Variants in CWC22 observed in about 807,000 individuals in gnomAD.
The protein encoded by CWC22 is CWC22 spliceosome associated protein.
Under a neutral mutation model 117.2 loss-of-function variants are expected in CWC22, and 53 were observed. The observed-to-expected ratio is 0.45, with a 90% CI of 0.36 to 0.57. CWC22 has a LOEUF of 0.57. Ranked by LOEUF, CWC22 falls within the 20% of genes least tolerant of loss-of-function variation. The probability of loss-of-function intolerance (pLI) is 0.00; values close to 1 mark genes in which losing one functional copy is unlikely to be tolerated. For synonymous variants in CWC22, 360 were observed against 355.6 expected (o/e 1.01, Z -0.14); for missense variants, 980 against 1,068.8 (o/e 0.92, Z 1.16).
intron 11 of CWC22, among the ~76,000 whole-genome samples, chr2:179,969,367 A>T (rs921485163): frequency 6.6e-6 from 1 of 152,234 alleles, no homozygotes; most frequent in Non-Finnish European, 1.5e-5. Flanking sequence ...ATCAGCATCT[A>T]AGAAGAGAAA....
Position 180,005,507 on chromosome 2 carries a change from C to T in CWC22, c.-114+1360G>A, listed in dbSNP as rs1687949467. On this transcript the variant is annotated intron_variant, in intron 1 of 19. Coordinates refer to ENST00000410053, the MANE Select transcript of CWC22 (RefSeq NM_020943.3). ...AGGAGAATGGCATGAACTAGGGAGGCGGAGCTTGCAGTGAGCCGAGATAGC... is the reference window on the plus strand; with the variant it reads ...AGGAGAATGGCATGAACTAGGGAGGTGGAGCTTGCAGTGAGCCGAGATAGC... Among the ~76,000 whole-genome samples, 3 of 152,024 alleles carry T rather than the reference C, an allele frequency of 2.0e-5. No individual in the cohort carries two copies. The South Asian group carries it at 6.2e-4, about 31-fold the overall frequency.
intron 1 of CWC22, among the ~76,000 whole-genome samples, chr2:179,997,079 C>A (rs1459297255): frequency 1.3e-5 from 2 of 151,946 alleles, no homozygotes; most frequent in Middle Eastern, 3.2e-3. Context: ...TCAGGAAATA[C>A]AAGATACTGT....
At chr2:179,973,830 T>A in intron 6 of CWC22, 28 bp from the exon 7 acceptor site, 1 of 1,340,502 alleles carries the variant, frequency 7.5e-7, no homozygotes, top group Non-Finnish European at 1.0e-6. Flanking sequence ...TAAAAAGGAG[T>A]CAACAATAAT....
At chr2:179,996,234 C>T (rs1314330844) in intron 1 of CWC22, among the ~76,000 whole-genome samples, 2 of 152,052 alleles carry the variant, frequency 1.3e-5, no homozygotes, top group Non-Finnish European at 2.9e-5. Flanking sequence ...ACAATCAAAA[C>T]AGATCAATGC....
chr2:179,986,870 G>T, intron 3 of CWC22, 65 bp from the exon 4 acceptor site: 1 of 843,814 alleles, frequency 1.2e-6, no homozygotes, highest in Non-Finnish European at 1.8e-6. Context: ...ATTTAGGAAA[G>T]TCATATATTG....
intron 11 of CWC22, among the ~76,000 whole-genome samples, chr2:179,970,102 T>C (rs1373418090): frequency 6.6e-6 from 1 of 152,166 alleles, no homozygotes; most frequent in African/African-American, 2.4e-5. Context: ...CAGAAGGATA[T>C]TAACCTGACC....
intron 2 of CWC22, among the ~76,000 whole-genome samples, chr2:179,990,542 C>A (rs71425652): frequency 1.5e-5 from 1 of 64,766 alleles, no homozygotes; most frequent in African/African-American, 7.9e-5. Flanking sequence ...GTGAGTGAGA[C>A]AGACAGAGAG....
At chr2:179,987,275 A>T (rs1687442391) in intron 3 of CWC22, among the ~76,000 whole-genome samples, 1 of 152,196 alleles carries the variant, frequency 6.6e-6, no homozygotes, top group Non-Finnish European at 1.5e-5. Context: ...ATTACTGGAC[A>T]GCAATGAGAA....
rs572443430 is a variant in CWC22, at chr2:179,945,450, A to C, written c.2406T>G (p.Asn802Lys). The C allele has an allele frequency of 6.2e-7, 1 of 1,612,838 alleles. No homozygotes were observed. Among genetic ancestry groups the C allele is most frequent in the Non-Finnish European group, 8.5e-7 (1 of 1,179,264 alleles). Reference protein sequence around the residue: ...SERNNYSRVANDRDQEMHIDL... With the variant: ...SERNNYSRVAKDRDQEMHIDL... ...CTATATGCATTTCTTGGTCTCTGTC[A>C]TTCGCAACTCTACTGTAGTTATTTC... The change falls in exon 20 of 20, where the codon AAT becomes AAG. Residue 802 changes from asparagine (N) to lysine (K), a missense_variant. Transcript: ENST00000410053.
chr2:179,996,140 C>CA (rs1225751999), intron 1 of CWC22, among the ~76,000 whole-genome samples: 1 of 152,070 alleles, frequency 6.6e-6, no homozygotes, highest in Non-Finnish European at 1.5e-5. Flanking sequence ...GTAAGGAAAC[C>CA]AAAATCTCTA....
rs1036072122 is a variant in CWC22 at position 179,978,459 on chromosome 2, G to A, written c.453-141C>T. On this transcript the variant is annotated intron_variant, in intron 5 of 19. Transcript: ENST00000410053. ...CCCCAAGTACAGTAAAATATATGAT[G>A]CCTATCAGGATAAATAGATTATATC... The A allele has an allele frequency of 1.6e-5, 14 of 869,796 alleles. No homozygotes were observed. The African/African-American group carries it at 2.1e-4, about 13-fold the overall frequency. 53.9% of individuals were successfully genotyped at this position (869,796 alleles called of 1,614,324 possible).
Position 179,945,551 on chromosome 2 carries a change from C to A in CWC22, c.2305G>T (p.Asp769Tyr). The A allele has an allele frequency of 6.2e-7, 1 of 1,613,214 alleles. No individual in the cohort carries two copies. The highest frequency in any genetic ancestry group is 8.5e-7 in the Non-Finnish European group (1 of 1,179,484). Reference sequence around the variant, plus strand: ...CAATTTGAACCACTTGAATTTTGATCTCTGTGTTTTTCTGACCTTCTTTCT... The same window carrying A: ...CAATTTGAACCACTTGAATTTTGATATCTGTGTTTTTCTGACCTTCTTTCT... ...ERERRSEKHR[D>Y]QNSSGSNWRD... The change falls in exon 20 of 20, where the codon GAT (aspartate) becomes TAT (tyrosine). Residue 769 changes from aspartate to tyrosine, a missense_variant. Physicochemically the swap from Asp to Tyr is radical, Grantham distance 160. Coordinates refer to ENST00000410053, the MANE Select transcript of CWC22 (RefSeq NM_020943.3).
At chr2:179,960,354 A>T (rs1457831066) in intron 13 of CWC22, among the ~76,000 whole-genome samples, 2 of 152,032 alleles carry the variant, frequency 1.3e-5, no homozygotes, top group Non-Finnish European at 2.9e-5. Flanking sequence ...TTGTTAAATA[A>T]ATCTAAGAAA....
Position 179,950,630 on chromosome 2 carries a change from C to T in CWC22, c.2022G>A (p.Ala674=), listed in dbSNP as rs376214635. 6.8e-5 allele frequency: 109 copies of T among 1,613,474 alleles called. No individual in the cohort carries two copies. The highest frequency in any genetic ancestry group is 5.0e-4 in the Middle Eastern group (3 of 6,058). The change falls in exon 19 of 20, where the codon GCG becomes GCA. Residue 674 remains alanine, a synonymous_variant. Transcript: ENST00000410053. ...ATGAGTCAGACTCTGAAGAGGAGGA[C>T]GCTGAAGAGGAAGAGGATGGGGAGG... The part of the protein sequence containing the change: ...NKSSPSSSSS[A]SSSSESDSSD...
At chr2:179,970,093 A>G (rs1222851306) in intron 11 of CWC22, among the ~76,000 whole-genome samples, 1 of 152,174 alleles carries the variant, frequency 6.6e-6, no homozygotes, top group Non-Finnish European at 1.5e-5. Flanking sequence ...TCATCCTACC[A>G]GAAGGATATT....
Position 179,981,808 on chromosome 2 carries a change from T to C in CWC22, c.396A>G (p.Ala132=), listed in dbSNP as rs1444963159. 10 of 1,613,964 alleles carry C rather than the reference T, an allele frequency of 6.2e-6. No individual in the cohort carries two copies. The highest frequency in any genetic ancestry group is 3.3e-5 in the South Asian group (3 of 91,074). The part of the protein sequence containing the change: ...LDPLLTRTGG[A]YIPPAKLRMM... ...TCCTGAGCTTTGCAGGGGGAATATATGCTCCACCAGTGCGAGTAAGAAGAG... is the reference window on the plus strand; with the variant it reads ...TCCTGAGCTTTGCAGGGGGAATATACGCTCCACCAGTGCGAGTAAGAAGAG... The change falls in exon 5 of 20, where the codon GCA becomes GCG. Residue 132 remains alanine (A), a synonymous_variant. Coordinates refer to ENST00000410053, the MANE Select transcript of CWC22 (RefSeq NM_020943.3).
chr2:179,950,729 A>G lies in CWC22; in HGVS notation c.1923T>C (p.Asp641=), dbSNP rs1229233993. ...FTSIGLGGLT[D]ELREHLKNTP... The stretch of plus-strand genomic sequence containing the variant: ...TATTTTTGAGATGCTCCCGCAGTTC[A>G]TCCCTAATTTAAAATATAATCTGTT... Residue 641 remains aspartate (D), a synonymous_variant, in exon 19 of 20, where the codon GAT becomes GAC. Coordinates refer to ENST00000410053, the MANE Select transcript of CWC22 (RefSeq NM_020943.3). 1 of 1,612,692 alleles carries G rather than the reference A, an allele frequency of 6.2e-7. No individual in the cohort carries two copies. The highest frequency in any genetic ancestry group is 8.5e-7 in the Non-Finnish European group (1 of 1,178,976).
rs185658401 is a variant in CWC22 at position 179,965,739 on chromosome 2, G to A, written c.1315+139C>T. 6 of 650,618 alleles carry A rather than the reference G, an allele frequency of 9.2e-6. No individual in the cohort carries two copies. The Admixed American group carries it at 1.6e-4, about 17-fold the overall frequency. 40.3% of individuals were successfully genotyped at this position (650,618 alleles called of 1,614,324 possible). A position where few individuals can be genotyped will look rare whatever the true frequency, so the allele number is the denominator to read the frequency against. On this transcript the variant is annotated intron_variant, in intron 12 of 19. Transcript: ENST00000410053. ...GTGGTTTGTAGGCTGTTTAACAGCAGCCCTAGTCTTCACCTCCTAGACGCC... is the reference window on the plus strand; with the variant it reads ...GTGGTTTGTAGGCTGTTTAACAGCAACCCTAGTCTTCACCTCCTAGACGCC...
chr2:179,997,610 T>C (rs1399509), intron 1 of CWC22, among the ~76,000 whole-genome samples: 21,818 of 152,188 alleles, frequency 0.14, 1,962 homozygotes, highest in Admixed American at 0.29. Context: ...TATTGGTATT[T>C]TTTTCCCTAC....
Sources: gnomAD v4.1 joint callset for allele counts (sites outside exome capture counted in the v4.1 genomes callset) on GRCh38, gnomAD v4.1.1 for gene constraint, MANE v1.5 for transcripts, NCBI Gene and HGNC (gene_info 2026-07-23, HGNC 2026-07-21) for gene names.